The following SCUBE1 variants were observed in gnomAD, a reference collection of about 807,000 sequenced individuals.
SCUBE1 encodes signal peptide, CUB and EGF-like domain-containing protein 1.
SCUBE1 carries 59 observed loss-of-function variants against 124.4 expected under a neutral mutation model. The ratio of observed to expected loss-of-function variants is 0.47; its 90% confidence interval spans 0.38 to 0.59. The LOEUF (loss-of-function observed/expected upper bound fraction) is 0.59. Ranked by LOEUF, SCUBE1 falls within the 20% of genes least tolerant of loss-of-function variation. The pLI is 0.00. For missense variants in SCUBE1, 1,150 were observed against 1,371.2 expected, an observed-to-expected ratio of 0.84 and a Z score of 2.55; for synonymous variants, 545 against 550.9, an observed-to-expected ratio of 0.99 and a Z score of 0.15.
chr22:43,339,381 G>T, intron 1 of SCUBE1, 146 bp from the exon 2 acceptor site: 1 of 742,476 alleles, frequency 1.3e-6, no homozygotes, highest in Non-Finnish European at 2.1e-6. Context: ...AGGACAATCT[G>T]GTGTGACAAG....
intron 2 of SCUBE1, among the ~76,000 whole-genome samples, chr22:43,330,375 T>C (rs1273754021): frequency 6.6e-6 from 1 of 152,238 alleles, no homozygotes; most frequent in Non-Finnish European, 1.5e-5. Flanking sequence ...GGACACCTCC[T>C]CTAAGAAGCC....
Position 43,214,013 on chromosome 22 carries a change from C to T in SCUBE1, c.2053+77G>A, listed in dbSNP as rs1921689361. The T allele has an allele frequency of 8.4e-6, 11 of 1,306,782 alleles. 2 individuals carry two copies. The South Asian group carries it at 1.5e-4, about 17-fold the overall frequency. The allele number at this position is 1,306,782 out of a possible 1,614,324, so 80.9% of individuals were successfully genotyped here. A position where few individuals can be genotyped will look rare whatever the true frequency, so the allele number is the denominator to read the frequency against. On this transcript the variant is annotated intron_variant, in intron 16 of 21. Coordinates refer to ENST00000360835, the MANE Select transcript of SCUBE1 (RefSeq NM_173050.5). ...CCACACCAGGCACCTGGGCCTTCGA[C>T]AGGAGGGCCTCATCAGAGACAGGAG...
rs1468981154 is a variant in SCUBE1, at chr22:43,201,111, G to C, written c.*2886C>G. 1 of 151,924 alleles carries C rather than the reference G, an allele frequency of 6.6e-6. No individual in the cohort carries two copies. The highest frequency in any genetic ancestry group is 1.5e-5 in the Non-Finnish European group (1 of 67,990). The allele number at this position is 151,924 out of a possible 1,614,324, so 9.4% of individuals were successfully genotyped here. A position where few individuals can be genotyped will look rare whatever the true frequency, so the allele number is the denominator to read the frequency against. On this transcript the variant is annotated 3_prime_UTR_variant, in exon 22 of 22. Transcript: ENST00000360835. Reference sequence around the variant, plus strand: ...GAGGTCAGGAGATCGAGACCATCCTGGCTAATATGGTGAAACCCTGTCTCT... The same window carrying C: ...GAGGTCAGGAGATCGAGACCATCCTCGCTAATATGGTGAAACCCTGTCTCT...
At chr22:43,280,597 GCTA>G (rs1269436252) in intron 4 of SCUBE1, among the ~76,000 whole-genome samples, 10 of 129,504 alleles carry the variant, frequency 7.7e-5, no homozygotes, top group African/African-American at 2.9e-4. Context: ...ACATCCTCCT[GCTA>G]CCTTTCCCCT....
chr22:43,251,773 G>T (rs1923459078), intron 6 of SCUBE1, among the ~76,000 whole-genome samples: 1 of 152,228 alleles, frequency 6.6e-6, no homozygotes, highest in African/African-American at 2.4e-5. Flanking sequence ...TAATAAACGT[G>T]CGTCGTCTTA....
chr22:43,239,401 A>G (rs948456668), intron 6 of SCUBE1, among the ~76,000 whole-genome samples: 2 of 152,262 alleles, frequency 1.3e-5, no homozygotes, highest in African/African-American at 2.4e-5. Flanking sequence ...CTCAGTACAG[A>G]CTGGCTTGTG....
At chr22:43,232,736 C>T (rs568378911) in intron 7 of SCUBE1, among the ~76,000 whole-genome samples, 1 of 152,364 alleles carries the variant, frequency 6.6e-6, no homozygotes, top group East Asian at 1.9e-4. Context: ...AGGAAACTTT[C>T]TCCCTCCCAG....
In SCUBE1 at chr22:43,249,304, C is replaced by T. The variant is rs562700266; in HGVS notation, c.727+8915G>A. ...GTCGCTGCAGAAGAGGAGGTACGGGCGGGGTGGAGGGGAGCTGGGGTGGAC... is the reference window on the plus strand; with the variant it reads ...GTCGCTGCAGAAGAGGAGGTACGGGTGGGGTGGAGGGGAGCTGGGGTGGAC... On this transcript the variant is annotated intron_variant, in intron 6 of 21. Coordinates refer to ENST00000360835, the MANE Select transcript of SCUBE1 (RefSeq NM_173050.5). Among the ~76,000 whole-genome samples, 380 of 49,474 alleles carry T rather than the reference C, an allele frequency of 7.7e-3. 3 individuals are homozygous for T. The highest frequency in any genetic ancestry group is 0.029 in the African/African-American group (368 of 12,884). 32.5% of individuals were successfully genotyped at this position (49,474 alleles called of 152,430 possible).
intron 4 of SCUBE1, among the ~76,000 whole-genome samples, chr22:43,289,626 T>C (rs978586138): frequency 1.6e-4 from 24 of 152,266 alleles, no homozygotes; most frequent in Admixed American, 1.3e-4. Context: ...AACTCATGCC[T>C]GGGCTGGCAG....
intron 16 of SCUBE1, 109 bp downstream of exon 16, chr22:43,213,979 ACT>A (rs1921687620): frequency 9.0e-7 from 1 of 1,107,198 alleles, no homozygotes; most frequent in African/African-American, 1.6e-5. Flanking sequence ...AAAATACCAC[ACT>A]CTCTGGCCAC....
chr22:43,338,267 G>A (rs1220866318), intron 2 of SCUBE1, among the ~76,000 whole-genome samples: 1 of 152,190 alleles, frequency 6.6e-6, no homozygotes, highest in Non-Finnish European at 1.5e-5. Flanking sequence ...TGCTGGGGAG[G>A]CAGTTTTTAA....
chr22:43,231,316 C>T (rs140112613), intron 8 of SCUBE1, among the ~76,000 whole-genome samples: 3 of 152,352 alleles, frequency 2.0e-5, no homozygotes, highest in East Asian at 3.9e-4. Context: ...CTTCCTGGGC[C>T]GGGATTCTTG....
intron 4 of SCUBE1, among the ~76,000 whole-genome samples, chr22:43,274,611 C>G (rs888858666): frequency 6.6e-6 from 1 of 152,226 alleles, no homozygotes; most frequent in Non-Finnish European, 1.5e-5. Context: ...GGTAGCATCC[C>G]AAAAGTGTTC....
At chr22:43,327,065 G>C (rs1464676716) in intron 2 of SCUBE1, among the ~76,000 whole-genome samples, 1 of 152,212 alleles carries the variant, frequency 6.6e-6, no homozygotes, top group Non-Finnish European at 1.5e-5. Context: ...GCCCGAGCAT[G>C]TTCAAAGGCA....
chr22:43,337,606 C>T (rs924125793), intron 2 of SCUBE1, among the ~76,000 whole-genome samples: 1 of 152,210 alleles, frequency 6.6e-6, no homozygotes, highest in Admixed American at 6.5e-5. Flanking sequence ...TGGGTAGGCG[C>T]CAGCTCCCCA....
Position 43,210,261 on chromosome 22 carries a change from G to A in SCUBE1, c.2384-21C>T, listed in dbSNP as rs1921486618. ...CTGGTCTGTGGGCACAGTGGCCCGA[G>A]GGCCTCATCAGGCTCTGCTGGGCAG... On this transcript the variant is annotated intron_variant, in intron 18 of 21. Transcript: ENST00000360835. This position sits in a 1 kb window ranked among gnomAD's most constrained non-coding sequence, Gnocchi z 4.5. 3 of 1,499,988 alleles carry A rather than the reference G, an allele frequency of 2.0e-6. No individual in the cohort carries two copies. The highest frequency in any genetic ancestry group is 2.7e-6 in the Non-Finnish European group (3 of 1,127,586). 92.9% of individuals were successfully genotyped at this position (1,499,988 alleles called of 1,614,324 possible).
At position 43,227,762 on chromosome 22, in the gene SCUBE1, G is replaced by A. The variant is rs1601811905; in HGVS notation, c.1085-266C>T. Among the ~76,000 whole-genome samples, 5 of 152,316 alleles carry A rather than the reference G, an allele frequency of 3.3e-5. No homozygotes were observed. The South Asian group carries it at 8.3e-4, about 25-fold the overall frequency. On this transcript the variant is annotated intron_variant, in intron 9 of 21. Transcript: ENST00000360835. Reference sequence around the variant, plus strand: ...CTGCACCCCAGGCTAGGGGGCAGAGGAGGTAGCACACGATTAAAGTTCCAA... The same window carrying A: ...CTGCACCCCAGGCTAGGGGGCAGAGAAGGTAGCACACGATTAAAGTTCCAA...
In SCUBE1 at chr22:43,199,931, CCTGG is replaced by C. The variant is rs1434329245; in HGVS notation, c.*4062_*4065del. On this transcript the variant is annotated 3_prime_UTR_variant, in exon 22 of 22. Coordinates refer to ENST00000360835, the MANE Select transcript of SCUBE1 (RefSeq NM_173050.5). ...TATATGAGCCCTCAATCACGGAGGG[CCTGG>C]CTGTCTTCGAAACCCTGCTGCAGGT... is the stretch of plus-strand genomic sequence containing the variant. 3.9e-5 allele frequency: 6 copies of C among 152,242 alleles called. No homozygotes were observed. The allele number at this position is 152,242 out of a possible 1,614,324, so 9.4% of individuals were successfully genotyped here. A position where few individuals can be genotyped will look rare whatever the true frequency, so the allele number is the denominator to read the frequency against.
chr22:43,249,964 G>C (rs989769038), intron 6 of SCUBE1, among the ~76,000 whole-genome samples: 2 of 152,256 alleles, frequency 1.3e-5, no homozygotes, highest in Non-Finnish European at 2.9e-5. Context: ...TTGCACCTCA[G>C]TGCCCCAACT....
Sources: gnomAD v4.1 joint callset for allele counts (sites outside exome capture counted in the v4.1 genomes callset) on GRCh38, gnomAD v4.1.1 for gene constraint, Gnocchi (gnomAD v3.1) non-coding constraint, MANE v1.5 for transcripts, NCBI Gene and HGNC (gene_info 2026-07-23, HGNC 2026-07-21) for gene names.